NAV1: variants seen among roughly 807,000 people sequenced by gnomAD.
The protein encoded by NAV1 is neuron navigator 1, also known as pore membrane and/or filament interacting like protein 3.
NAV1 carries 18 observed loss-of-function variants against 175.2 expected under a neutral mutation model. That is an observed-to-expected ratio of 0.10 (90% CI 0.07 to 0.15). The LOEUF is 0.15. Among genes scored for constraint, NAV1 ranks in the 10% least tolerant of loss-of-function variants. The probability of loss-of-function intolerance (pLI) is 1.00; values close to 1 mark genes in which losing one functional copy is unlikely to be tolerated. For missense variants in NAV1, 1,731 were observed against 2,436.6 expected, an observed-to-expected ratio of 0.71 and a Z score of 6.10; for synonymous variants, 897 against 978.7, an observed-to-expected ratio of 0.92 and a Z score of 1.56.
chr1:201,689,936 T>C (rs1235728170), intron 1 of NAV1, among the ~76,000 whole-genome samples: 1 of 150,970 alleles, frequency 6.6e-6, no homozygotes, highest in African/African-American at 2.4e-5. Context: ...GCAGAGTGTG[T>C]CTGGTTCCTC....
chr1:201,736,680 C>G (rs1349283119), intron 3 of NAV1, among the ~76,000 whole-genome samples: 1 of 152,168 alleles, frequency 6.6e-6, no homozygotes, highest in Non-Finnish European at 1.5e-5. Context: ...CTTTCTATGC[C>G]TCAGTTTCCC....
chr1:201,556,419 A>G (rs1418463452), intron 1 of NAV1, among the ~76,000 whole-genome samples: 2 of 143,736 alleles, frequency 1.4e-5, no homozygotes, highest in East Asian at 1.9e-4. Flanking sequence ...CCCTGTCTCA[A>G]AAAAGAAAAA....
At chr1:201,783,684 C>T in exon 7 of NAV1, 1 of 1,614,242 alleles carries the variant, frequency 6.2e-7, no homozygotes, top group Non-Finnish European at 8.5e-7. Flanking sequence ...CCCAAACTCT[C>T]AGGCCTGCAC....
At chr1:201,589,215 A>G (rs1189514885) in intron 2 of NAV1, among the ~76,000 whole-genome samples, 1 of 152,146 alleles carries the variant, frequency 6.6e-6, no homozygotes, top group South Asian at 2.1e-4. Context: ...ATTCAGCCCC[A>G]CACTTCTCTA....
At chr1:201,768,066 T>C (rs1675322036) in intron 3 of NAV1, among the ~76,000 whole-genome samples, 1 of 152,222 alleles carries the variant, frequency 6.6e-6, no homozygotes, top group Non-Finnish European at 1.5e-5. Context: ...GGCTTATGCC[T>C]GTAATCCTAA....
At chr1:201,585,905 T>C (rs773162580) in intron 1 of NAV1, among the ~76,000 whole-genome samples, 6 of 152,196 alleles carry the variant, frequency 3.9e-5, no homozygotes, top group Non-Finnish European at 7.3e-5. Flanking sequence ...GAAAGCAGTA[T>C]GACAGTTCTT....
chr1:201,667,161 T>C (rs1669855757), intron 1 of NAV1, among the ~76,000 whole-genome samples: 2 of 152,306 alleles, frequency 1.3e-5, no homozygotes, highest in East Asian at 1.9e-4. Flanking sequence ...ATGAGGAAAC[T>C]GAGGCCCAGA....
intron 3 of NAV1, among the ~76,000 whole-genome samples, chr1:201,779,530 G>C (rs1571484430): frequency 6.8e-6 from 1 of 147,892 alleles, no homozygotes; most frequent in Non-Finnish European, 1.5e-5. Flanking sequence ...CCTGGGAGGC[G>C]GAGGTTGCAG....
At chr1:201,723,062 G>A (rs1400910853) in intron 3 of NAV1, among the ~76,000 whole-genome samples, 2 of 152,214 alleles carry the variant, frequency 1.3e-5, no homozygotes, top group African/African-American at 4.8e-5. Flanking sequence ...AGAGAGTCGA[G>A]ATTGCACCAC....
intron 3 of NAV1, among the ~76,000 whole-genome samples, chr1:201,761,001 TTTG>T (rs1674801510): frequency 6.6e-6 from 1 of 152,170 alleles, no homozygotes; most frequent in African/African-American, 2.4e-5. Flanking sequence ...GATGTTCCCT[TTTG>T]TTTGTTTTTA....
chr1:201,789,326 C>A (rs1676961170), intron 10 of NAV1, among the ~76,000 whole-genome samples: 1 of 152,136 alleles, frequency 6.6e-6, no homozygotes, highest in Non-Finnish European at 1.5e-5. Flanking sequence ...AGCACATCCC[C>A]CAGTGCTGAG....
chr1:201,762,055 G>A (rs1674895454), intron 3 of NAV1, among the ~76,000 whole-genome samples: 1 of 152,192 alleles, frequency 6.6e-6, no homozygotes, highest in Non-Finnish European at 1.5e-5. Flanking sequence ...ACCTACTCAG[G>A]AAGCTGAGGT....
chr1:201,671,939 ACTCT>A lies in NAV1; in HGVS notation c.757+22519_757+22522del, dbSNP rs538565059. Among the ~76,000 whole-genome samples, 18 of 151,882 alleles carry A rather than the reference ACTCT, an allele frequency of 1.2e-4. No homozygotes were observed. The East Asian group carries it at 3.5e-3, about 30-fold the overall frequency. Reference sequence around the variant, plus strand: ...TAGGGTAAAATGTCAGAGATATAAGACTCTCTCTGCCATCCTGATCCTCCGCATC... The same window carrying A: ...TAGGGTAAAATGTCAGAGATATAAGACTCTGCCATCCTGATCCTCCGCATC... On this transcript the variant is annotated intron_variant, in intron 1 of 29. Coordinates refer to ENST00000367296, the Ensembl canonical transcript of NAV1.
At chr1:201,770,477 T>C (rs1675501948) in intron 3 of NAV1, among the ~76,000 whole-genome samples, 1 of 152,220 alleles carries the variant, frequency 6.6e-6, no homozygotes, top group Non-Finnish European at 1.5e-5. Context: ...TATAGTGTCC[T>C]ACACTATCAC....
intron 3 of NAV1, among the ~76,000 whole-genome samples, chr1:201,736,147 GC>G (rs58521402): frequency 1.4e-3 from 215 of 152,316 alleles, no homozygotes; most frequent in African/African-American, 5.0e-3. Flanking sequence ...TCAAGGACAG[GC>G]TTTTCCATCT....
chr1:201,574,630 C>T (rs1006091245), intron 1 of NAV1, among the ~76,000 whole-genome samples: 13 of 152,202 alleles, frequency 8.5e-5, no homozygotes, highest in African/African-American at 3.1e-4. Flanking sequence ...GGGAAACCTG[C>T]AGCTTCCAAG....
At chr1:201,647,382 C>T (rs527683861), upstream of NAV1, among the ~76,000 whole-genome samples, 5 of 152,324 alleles carry the variant, frequency 3.3e-5, no homozygotes, top group African/African-American at 1.2e-4. Flanking sequence ...AGGCAAGGGA[C>T]CCAGTGCAAA....
At chr1:201,799,364 C>T (rs1421413413) in intron 15 of NAV1, among the ~76,000 whole-genome samples, 10 of 152,142 alleles carry the variant, frequency 6.6e-5, no homozygotes, top group Non-Finnish European at 1.5e-5. Flanking sequence ...TCATGTTGAT[C>T]CAGGCTTAAC....
intron 1 of NAV1, among the ~76,000 whole-genome samples, chr1:201,586,153 A>G (rs1667020813): frequency 6.6e-6 from 1 of 152,202 alleles, no homozygotes; most frequent in African/African-American, 2.4e-5. Context: ...AAATTCTCAT[A>G]TATGCTACAA....
Sources: gnomAD v4.1 joint callset for allele counts (sites outside exome capture counted in the v4.1 genomes callset) on GRCh38, gnomAD v4.1.1 for gene constraint, MANE v1.5 for transcripts, NCBI Gene and HGNC (gene_info 2026-07-23, HGNC 2026-07-21) for gene names.